The following DPP10 variants were observed in gnomAD, a reference collection of about 807,000 sequenced individuals.
DPP10 encodes dipeptidyl peptidase like 10.
Under a neutral mutation model 120.9 loss-of-function variants are expected in DPP10, and 33 were observed. The ratio of observed to expected loss-of-function variants is 0.27; its 90% CI spans 0.21 to 0.37. DPP10 has a LOEUF of 0.37. DPP10 is among the 10% of genes least tolerant of loss of function. The probability of loss-of-function intolerance (pLI) is 1.00; values close to 1 mark genes in which losing one functional copy is unlikely to be tolerated. For missense variants in DPP10, 816 were observed against 942.8 expected, an observed-to-expected ratio of 0.87 and a Z score of 1.76; for synonymous variants, 337 against 326.1, an observed-to-expected ratio of 1.03 and a Z score of -0.36.
intron 4 of DPP10, among the ~76,000 whole-genome samples, chr2:115,518,040 GA>G (rs1332020684): frequency 6.6e-6 from 1 of 152,156 alleles, no homozygotes; most frequent in Non-Finnish European, 1.5e-5. Flanking sequence ...AAGGAAGCAA[GA>G]AAAAGAGAGA....
At chr2:115,166,543 A>G (rs1381917644) in intron 1 of DPP10, among the ~76,000 whole-genome samples, 1 of 146,754 alleles carries the variant, frequency 6.8e-6, no homozygotes, top group Non-Finnish European at 1.5e-5. Context: ...ATAAATTTAT[A>G]ATATAAATAT....
chr2:115,268,313 C>T (rs2059546131), intron 1 of DPP10, among the ~76,000 whole-genome samples: 1 of 152,088 alleles, frequency 6.6e-6, no homozygotes. Context: ...AATTTACTTT[C>T]CAAGGTTTGA....
chr2:115,198,347 A>G (rs1218522124), intron 1 of DPP10, among the ~76,000 whole-genome samples: 2 of 152,142 alleles, frequency 1.3e-5, no homozygotes, highest in African/African-American at 4.8e-5. Flanking sequence ...TTATGGCACC[A>G]CTTTTGGTTG....
Position 114,746,198 on chromosome 2 carries a change from A to T in DPP10, c.60+303360A>T, listed in dbSNP as rs956049058. Among the ~76,000 whole-genome samples the T allele has an allele frequency of 5.3e-5, 8 of 152,086 alleles. No individual in the cohort carries two copies. The East Asian group carries it at 9.7e-4, about 18-fold the overall frequency. On this transcript the variant is annotated intron_variant, in intron 1 of 25. Transcript: ENST00000410059. ...GTTTCCTTTTATTCACCTCTCTTTC[A>T]TCCTATTCCCTCTTGTTTCAATCCT...
chr2:115,744,689 A>G (rs543623375), intron 9 of DPP10, among the ~76,000 whole-genome samples: 5 of 150,538 alleles, frequency 3.3e-5, no homozygotes, highest in South Asian at 2.1e-4. Context: ...GATATCCAAC[A>G]AAACATTTAT....
chr2:114,576,312 T>C (rs1397502686), intron 1 of DPP10, among the ~76,000 whole-genome samples: 1 of 152,152 alleles, frequency 6.6e-6, no homozygotes. Context: ...TATTAAAAAG[T>C]GATTATCACA....
chr2:114,473,908 A>C (rs1227895212), intron 1 of DPP10, among the ~76,000 whole-genome samples: 1 of 152,188 alleles, frequency 6.6e-6, no homozygotes, highest in Non-Finnish European at 1.5e-5. Flanking sequence ...CATTTGGCTA[A>C]ACAAAAGCTT....
intron 1 of DPP10, among the ~76,000 whole-genome samples, chr2:114,715,090 AC>A (rs1701266663): frequency 6.6e-6 from 1 of 152,162 alleles, no homozygotes; most frequent in East Asian, 1.9e-4. Context: ...GACAGCAGAA[AC>A]AAAAAATTAC....
At chr2:115,119,063 T>C (rs1204951632) in intron 1 of DPP10, among the ~76,000 whole-genome samples, 5 of 152,164 alleles carry the variant, frequency 3.3e-5, no homozygotes, top group Admixed American at 2.0e-4. Context: ...GTTTCATACA[T>C]TGGCATTCAT....
At chr2:115,647,048 T>C (rs2087326002) in intron 5 of DPP10, among the ~76,000 whole-genome samples, 1 of 152,186 alleles carries the variant, frequency 6.6e-6, no homozygotes, top group Non-Finnish European at 1.5e-5. Context: ...ACAAAAGTCA[T>C]GTCACCTCAC....
intron 1 of DPP10, among the ~76,000 whole-genome samples, chr2:115,185,415 A>G (rs1291703476): frequency 1.3e-5 from 2 of 152,224 alleles, no homozygotes; most frequent in Non-Finnish European, 2.9e-5. Context: ...ATTTCAACAA[A>G]GAAATACATT....
intron 1 of DPP10, among the ~76,000 whole-genome samples, chr2:115,207,168 A>AT (rs1457820911): frequency 6.6e-6 from 1 of 152,114 alleles, no homozygotes; most frequent in Non-Finnish European, 1.5e-5. Context: ...CTTTCAAATG[A>AT]TTTTGCAGAT....
chr2:115,004,508 C>A (rs889555018), intron 1 of DPP10, among the ~76,000 whole-genome samples: 9 of 152,122 alleles, frequency 5.9e-5, no homozygotes, highest in African/African-American at 1.9e-4. Flanking sequence ...TCAGTGGGTG[C>A]GTGCACCGTG....
chr2:114,788,582 A>G (rs1682972126), intron 1 of DPP10, among the ~76,000 whole-genome samples: 1 of 151,440 alleles, frequency 6.6e-6, no homozygotes, highest in Admixed American at 6.6e-5. Context: ...CGCCCGGCTA[A>G]TTTTTTTTGT....
intron 1 of DPP10, among the ~76,000 whole-genome samples, chr2:114,730,045 T>G (rs1239909361): frequency 1.3e-5 from 2 of 152,052 alleles, no homozygotes; most frequent in Non-Finnish European, 2.9e-5. Context: ...TACAAGTTAT[T>G]AAAGAGAAAT....
intron 19 of DPP10, among the ~76,000 whole-genome samples, chr2:115,796,468 C>G (rs1313600801): frequency 6.6e-6 from 1 of 151,920 alleles, no homozygotes; most frequent in African/African-American, 2.4e-5. Flanking sequence ...ATCAATTAAC[C>G]CTGAGTTTGT....
At chr2:114,814,023 A>G (rs778764742) in intron 1 of DPP10, among the ~76,000 whole-genome samples, 3 of 150,600 alleles carry the variant, frequency 2.0e-5, no homozygotes, top group Non-Finnish European at 4.4e-5. Flanking sequence ...CTGTTTTAAA[A>G]CTCTATTATT....
chr2:115,018,704 C>T (rs997570915), intron 1 of DPP10, among the ~76,000 whole-genome samples: 1 of 151,884 alleles, frequency 6.6e-6, no homozygotes, highest in Non-Finnish European at 1.5e-5. Flanking sequence ...CACACTAGAG[C>T]CTGTTGGGGG....
At chr2:115,275,701 C>CTTTTTTTTTTTTT (rs72078308) in intron 1 of DPP10, among the ~76,000 whole-genome samples, 7 of 131,850 alleles carry the variant, frequency 5.3e-5, no homozygotes, top group Admixed American at 7.9e-5. Flanking sequence ...CTTTTCTTTT[C>CTTTTTTTTTTTTT]TTTTTTTTTT....
Sources: allele counts gnomAD v4.1 joint callset (sites outside exome capture counted in the v4.1 genomes callset), GRCh38; gene constraint gnomAD v4.1.1; transcripts MANE v1.5; gene names NCBI Gene and HGNC (gene_info 2026-07-23, HGNC 2026-07-21).